The following SUPT3H variants were observed in gnomAD, a reference collection of about 807,000 sequenced individuals.
SUPT3H encodes the protein transcription initiation protein SPT3 homolog.
SUPT3H carries 44 observed loss-of-function variants against 44.3 expected under a neutral mutation model. The ratio of observed to expected loss-of-function variants is 0.99; its 90% confidence interval spans 0.78 to 1.28. SUPT3H has a LOEUF of 1.28. Ranked by LOEUF, SUPT3H falls within the 50% of genes most tolerant of loss-of-function variation. The pLI is 0.00. For synonymous variants in SUPT3H, 124 were observed against 125.6 expected (o/e 0.99, Z 0.09); for missense variants, 380 against 387.1 (o/e 0.98, Z 0.15).
chr6:45,129,178 T>C (rs1803014977), intron 2 of SUPT3H, among the ~76,000 whole-genome samples: 1 of 152,236 alleles, frequency 6.6e-6, no homozygotes, highest in African/African-American at 2.4e-5. Context: ...CTCATCTGAA[T>C]TGCCCTCTAC....
In SUPT3H at chr6:45,254,814, C is replaced by T. The variant is rs987878349; in HGVS notation, c.101+110387G>A. ...TCTCAAAACATTAAACAGAAAATTC[C>T]AGAAATAAACAATTCATAAGTTTTC... On this transcript the variant is annotated intron_variant, in intron 2 of 10. Coordinates refer to ENST00000371459, the MANE Select transcript of SUPT3H (RefSeq NM_003599.4). Among the ~76,000 whole-genome samples, 12 of 152,182 alleles carry T rather than the reference C, an allele frequency of 7.9e-5. No individual in the cohort carries two copies. The South Asian group carries it at 8.3e-4, about 11-fold the overall frequency.
intron 5 of SUPT3H, among the ~76,000 whole-genome samples, 200 bp from the exon 6 acceptor site, chr6:45,003,992 G>T (rs766910474): frequency 1.3e-5 from 2 of 152,084 alleles, no homozygotes; most frequent in Non-Finnish European, 2.9e-5. Context: ...AAATTAGAAT[G>T]AAAGAATAGA....
intron 3 of SUPT3H, among the ~76,000 whole-genome samples, chr6:45,059,386 ATCCTT>A (rs957952258): frequency 1.6e-4 from 24 of 152,158 alleles, no homozygotes; most frequent in African/African-American, 5.5e-4. Context: ...AAAATTCAAC[ATCCTT>A]TCATGTTAAA....
At chr6:44,995,734 C>T (rs906525167) in intron 6 of SUPT3H, among the ~76,000 whole-genome samples, 2 of 151,630 alleles carry the variant, frequency 1.3e-5, no homozygotes, top group Non-Finnish European at 2.9e-5. Flanking sequence ...GCACCACTTA[C>T]AAAGTAAATA....
intron 2 of SUPT3H, among the ~76,000 whole-genome samples, chr6:45,301,721 A>C (rs1334503705): frequency 6.6e-6 from 1 of 152,166 alleles, no homozygotes; most frequent in African/African-American, 2.4e-5. Context: ...ATTTTAGTTT[A>C]TCAATCTTTA....
intron 6 of SUPT3H, among the ~76,000 whole-genome samples, chr6:44,980,132 C>A (rs994597221): frequency 6.6e-6 from 1 of 151,964 alleles, no homozygotes; most frequent in Non-Finnish European, 1.5e-5. Context: ...TCAATCTCCT[C>A]CAGTATCTGC....
At chr6:45,141,338 C>CA (rs1162738855) in intron 2 of SUPT3H, among the ~76,000 whole-genome samples, 34,048 of 45,374 alleles carry the variant, frequency 0.75, 14,496 homozygotes, top group East Asian at 0.88. Flanking sequence ...GACTCCATCT[C>CA]AAAAAAAAAA....
intron 2 of SUPT3H, among the ~76,000 whole-genome samples, chr6:45,173,969 A>G (rs1333734438): frequency 6.6e-6 from 1 of 152,138 alleles, no homozygotes; most frequent in Non-Finnish European, 1.5e-5. Flanking sequence ...CTGCTGCCCA[A>G]AGAGTTACTG....
At chr6:44,858,220 G>C (rs1774059935) in intron 10 of SUPT3H, among the ~76,000 whole-genome samples, 1 of 152,138 alleles carries the variant, frequency 6.6e-6, no homozygotes, top group Non-Finnish European at 1.5e-5. Context: ...CCCAGTACCA[G>C]GCAGCTTGCC....
chr6:45,350,258 C>G (rs148258187), intron 2 of SUPT3H, among the ~76,000 whole-genome samples: 170 of 152,260 alleles, frequency 1.1e-3, no homozygotes, highest in African/African-American at 3.7e-3. Context: ...TAGGCACCCA[C>G]TTGGTAATTG....
chr6:45,088,085 GA>G (rs1447987863), intron 3 of SUPT3H, among the ~76,000 whole-genome samples: 6 of 152,026 alleles, frequency 3.9e-5, no homozygotes, highest in African/African-American at 1.4e-4. Context: ...CTCCAGGATT[GA>G]AATGAATTAA....
At chr6:45,037,071 T>C (rs150365234) in intron 3 of SUPT3H, among the ~76,000 whole-genome samples, 175 of 152,108 alleles carry the variant, frequency 1.2e-3, no homozygotes, top group African/African-American at 4.0e-3. Flanking sequence ...TACTGGTACA[T>C]AGAAAACTAA....
chr6:44,996,434 G>A (rs1193955910), intron 6 of SUPT3H, among the ~76,000 whole-genome samples: 2 of 151,384 alleles, frequency 1.3e-5, no homozygotes, highest in African/African-American at 4.8e-5. Context: ...AATAATTTTT[G>A]TGTTTTTGAA....
At chr6:45,298,798 G>C (rs1432778551) in intron 2 of SUPT3H, among the ~76,000 whole-genome samples, 2 of 152,026 alleles carry the variant, frequency 1.3e-5, no homozygotes, top group East Asian at 3.9e-4. Flanking sequence ...TAACTCTCTA[G>C]AATATAGGAA....
chr6:44,950,437 C>T (rs1327731047), intron 9 of SUPT3H, among the ~76,000 whole-genome samples: 1 of 152,122 alleles, frequency 6.6e-6, no homozygotes, highest in African/African-American at 2.4e-5. Context: ...ACTACTGGCC[C>T]ACAATTCTTC....
At chr6:45,074,547 A>T (rs1174779867) in intron 3 of SUPT3H, among the ~76,000 whole-genome samples, 4 of 152,024 alleles carry the variant, frequency 2.6e-5, no homozygotes, top group Admixed American at 1.3e-4. Context: ...ACATAAAATA[A>T]AAAAGACTAA....
At chr6:45,122,755 G>A (rs1305277201) in intron 2 of SUPT3H, among the ~76,000 whole-genome samples, 1 of 152,030 alleles carries the variant, frequency 6.6e-6, no homozygotes, top group Non-Finnish European at 1.5e-5. Flanking sequence ...TTAAACGAGA[G>A]GCACTTCATG....
At chr6:45,330,719 C>CT (rs1051835312) in intron 2 of SUPT3H, among the ~76,000 whole-genome samples, 116 of 149,356 alleles carry the variant, frequency 7.8e-4, no homozygotes, top group South Asian at 1.7e-3. Flanking sequence ...GGTAGTGAAC[C>CT]TTTTTTTTTT....
chr6:45,169,733 T>C (rs1395397655), intron 2 of SUPT3H, among the ~76,000 whole-genome samples: 2 of 152,178 alleles, frequency 1.3e-5, no homozygotes, highest in Non-Finnish European at 2.9e-5. Flanking sequence ...CTAAGAGCTT[T>C]TTTCTGTAAA....
Sources: gnomAD v4.1 joint callset for allele counts (sites outside exome capture counted in the v4.1 genomes callset) on GRCh38, gnomAD v4.1.1 for gene constraint, MANE v1.5 for transcripts, NCBI Gene and HGNC (gene_info 2026-07-23, HGNC 2026-07-21) for gene names.